The following SH2D4B variants were observed in gnomAD, a reference collection of about 807,000 sequenced individuals.
SH2D4B encodes SH2 domain-containing protein 4B.
A neutral mutation model predicts 61.5 loss-of-function variants in SH2D4B; 45 were observed. The observed-to-expected ratio is 0.73, with a 90% CI of 0.58 to 0.94. The LOEUF (loss-of-function observed/expected upper bound fraction) is 0.94, where lower values mean the gene tolerates loss of function less well. Among genes scored for constraint, SH2D4B ranks in the 40% least tolerant of loss-of-function variants. The probability of loss-of-function intolerance (pLI) is 0.00; values close to 1 mark genes in which losing one functional copy is unlikely to be tolerated. For synonymous variants in SH2D4B, 224 were observed against 220.4 expected (o/e 1.02, Z -0.14); for missense variants, 572 against 574.2 (o/e 1.00, Z 0.04).
intron 6 of SH2D4B, among the ~76,000 whole-genome samples, chr10:80,624,423 G>C (rs1165837683): frequency 6.6e-6 from 1 of 152,164 alleles, no homozygotes. Context: ...GACCTTCATA[G>C]GACCTATCCT....
intron 5 of SH2D4B, among the ~76,000 whole-genome samples, chr10:80,607,695 G>T (rs551095167): frequency 6.6e-6 from 1 of 152,316 alleles, no homozygotes; most frequent in East Asian, 1.9e-4. Flanking sequence ...TGAGGGTACA[G>T]GGCAAATATG....
intron 1 of SH2D4B, among the ~76,000 whole-genome samples, chr10:80,544,155 C>T (rs948846024): frequency 6.6e-6 from 1 of 152,124 alleles, no homozygotes; most frequent in African/African-American, 2.4e-5. Context: ...TGAGCTGTAA[C>T]AGTCACTGCG....
chr10:80,545,011 A>G (rs1256990653), intron 1 of SH2D4B, among the ~76,000 whole-genome samples: 1 of 152,028 alleles, frequency 6.6e-6, no homozygotes, highest in East Asian at 1.9e-4. Context: ...GCCCCATCCC[A>G]ATCTCTCTCT....
intron 3 of SH2D4B, 68 bp from the exon 4 acceptor site, chr10:80,588,562 A>G (rs923734069): frequency 1.3e-6 from 2 of 1,584,678 alleles, no homozygotes; most frequent in African/African-American, 2.7e-5. Context: ...AATCCCAGAG[A>G]TATTTCTTTC....
chr10:80,634,429 C>G lies in SH2D4B; in HGVS notation c.1133C>G (p.Ser378Cys), dbSNP rs764764383. The change falls in exon 7 of 8, where the codon TCT (serine) becomes TGT (cysteine). Residue 378 changes from serine to cysteine, a missense_variant. Transcript: ENST00000646907. ...KGFKHFLVDA[S>C]GDFYSFLGVD... ...TTCAAACACTTTCTTGTGGATGCTTCTGGGGATTTTTACAGCTTCCTGGGA... is the reference window on the plus strand; with the variant it reads ...TTCAAACACTTTCTTGTGGATGCTTGTGGGGATTTTTACAGCTTCCTGGGA... 9.7e-6 allele frequency: 15 copies of G among 1,550,546 alleles called. 1 individual carries two copies. The South Asian group carries it at 1.8e-4, about 18-fold the overall frequency.
rs182802874 is a variant in SH2D4B, at chr10:80,621,879, C to T, written c.988+12328C>T. Among the ~76,000 whole-genome samples the T allele has an allele frequency of 6.6e-5, 10 of 152,214 alleles. No individual in the cohort carries two copies. In the East Asian group the frequency reaches 9.7e-4, roughly 15 times the overall value. ...CTGGGATTACAGGTGTGCACCACCA[C>T]GCCTGGCTAATTTTTGTATTTTTAG... is the stretch of plus-strand genomic sequence containing the variant. On this transcript the variant is annotated intron_variant, in intron 6 of 7. Coordinates refer to ENST00000646907, the MANE Select transcript of SH2D4B (RefSeq NM_001388272.1).
chr10:80,630,762 G>T (rs1272012537), intron 6 of SH2D4B, among the ~76,000 whole-genome samples: 2 of 152,198 alleles, frequency 1.3e-5, no homozygotes, highest in East Asian at 3.8e-4. Context: ...TCAATGAGGA[G>T]TCAGGGTCAG....
chr10:80,587,078 G>T (rs1414181193), intron 3 of SH2D4B, among the ~76,000 whole-genome samples: 1 of 150,034 alleles, frequency 6.7e-6, no homozygotes, highest in African/African-American at 2.5e-5. Context: ...TCGAGGGTCC[G>T]CGGCTTCATT....
intron 7 of SH2D4B, 112 bp downstream of exon 7, chr10:80,634,617 G>C (rs1348957828): frequency 2.1e-6 from 3 of 1,436,346 alleles, no homozygotes; most frequent in Admixed American, 4.6e-5. Flanking sequence ...AGTGGGGCTG[G>C]AGGGTCTCAG....
rs544449568 is a variant in SH2D4B at position 80,637,941 on chromosome 10, T to C, written c.1209+3436T>C. On this transcript the variant is annotated intron_variant, in intron 7 of 7. Coordinates refer to ENST00000646907, the MANE Select transcript of SH2D4B (RefSeq NM_001388272.1). Reference sequence around the variant, plus strand: ...GTGGGTTTGTCATAAATAGCTCTTATTATTTTGAGATATGTTCCATCAGTA... The same window carrying C: ...GTGGGTTTGTCATAAATAGCTCTTACTATTTTGAGATATGTTCCATCAGTA... Among the ~76,000 whole-genome samples, 39 of 152,302 alleles carry C rather than the reference T, an allele frequency of 2.6e-4. No homozygotes were observed. The South Asian group carries it at 8.1e-3, about 32-fold the overall frequency.
At chr10:80,564,125 T>C (rs1841939007) in intron 1 of SH2D4B, among the ~76,000 whole-genome samples, 1 of 152,256 alleles carries the variant, frequency 6.6e-6, no homozygotes, top group African/African-American at 2.4e-5. Context: ...GATGTGTTTT[T>C]TGTGTGTAGA....
At chr10:80,546,830 A>C (rs1841687720) in intron 1 of SH2D4B, among the ~76,000 whole-genome samples, 1 of 152,224 alleles carries the variant, frequency 6.6e-6, no homozygotes, top group African/African-American at 2.4e-5. Context: ...CCCAGCCAGC[A>C]TACGGTATTT....
At chr10:80,587,626 G>T (rs1842275965) in intron 3 of SH2D4B, among the ~76,000 whole-genome samples, 1 of 152,024 alleles carries the variant, frequency 6.6e-6, no homozygotes, top group Admixed American at 6.6e-5. Flanking sequence ...AGGTGCATGT[G>T]CAGGTTTGTT....
At chr10:80,634,942 C>G (rs1461941903) in intron 7 of SH2D4B, among the ~76,000 whole-genome samples, 2 of 152,208 alleles carry the variant, frequency 1.3e-5, no homozygotes, top group Non-Finnish European at 2.9e-5. Context: ...ATTAGAGAAG[C>G]TTTTCTAGTG....
intron 4 of SH2D4B, among the ~76,000 whole-genome samples, chr10:80,600,565 G>A (rs1297998582): frequency 1.3e-5 from 2 of 151,506 alleles, no homozygotes; most frequent in Non-Finnish European, 2.9e-5. Context: ...TGGGGAAGGA[G>A]CCCACTGAGC....
chr10:80,622,539 A>T (rs1212322575), intron 6 of SH2D4B, among the ~76,000 whole-genome samples: 1 of 152,034 alleles, frequency 6.6e-6, no homozygotes, highest in African/African-American at 2.4e-5. Context: ...TCCCTTCCCC[A>T]TGGGTCTATA....
intron 1 of SH2D4B, among the ~76,000 whole-genome samples, chr10:80,557,999 T>C (rs1369675664): frequency 6.6e-6 from 1 of 152,180 alleles, no homozygotes; most frequent in Non-Finnish European, 1.5e-5. Flanking sequence ...GTGCCCTGCT[T>C]TAACTACATC....
intron 3 of SH2D4B, among the ~76,000 whole-genome samples, chr10:80,576,502 G>C (rs538071619): frequency 1.6e-4 from 25 of 152,192 alleles, no homozygotes; most frequent in Non-Finnish European, 2.8e-4. Flanking sequence ...GAATGGTCCA[G>C]GTTCATGAGC....
rs1841538883 is a variant in SH2D4B, at chr10:80,538,652, G to A, written c.184+137G>A. The A allele has an allele frequency of 2.7e-6, 2 of 732,036 alleles. No individual in the cohort carries two copies. Among genetic ancestry groups the A allele is most frequent in the Admixed American group, 4.3e-5 (1 of 23,358 alleles). The allele number at this position is 732,036 out of a possible 1,614,324, so 45.3% of individuals were successfully genotyped here. ...TGGGGGCTTGAAACCCTTGTCTTGT[G>A]GGCATCAGGTCCCATGAGCCTGTGC... On this transcript the variant is annotated intron_variant, in intron 1 of 7. Coordinates refer to ENST00000646907, the MANE Select transcript of SH2D4B (RefSeq NM_001388272.1). This position sits in a 1 kb window ranked among gnomAD's most constrained non-coding sequence, Gnocchi z 4.8.
Sources: gnomAD v4.1 joint callset for allele counts (sites outside exome capture counted in the v4.1 genomes callset) on GRCh38, gnomAD v4.1.1 for gene constraint, Gnocchi (gnomAD v3.1) non-coding constraint, MANE v1.5 for transcripts, NCBI Gene and HGNC (gene_info 2026-07-23, HGNC 2026-07-21) for gene names.